RAPGEF2: variants seen among roughly 807,000 people sequenced by gnomAD.
The protein encoded by RAPGEF2 is Rap guanine nucleotide exchange factor 2.
A neutral mutation model predicts 186.7 loss-of-function variants in RAPGEF2; 54 were observed. That is an observed-to-expected ratio of 0.29 (90% CI 0.23 to 0.36). The LOEUF (loss-of-function observed/expected upper bound fraction) is 0.36. Ranked by LOEUF, RAPGEF2 falls within the 10% of genes least tolerant of loss-of-function variation. The probability of loss-of-function intolerance (pLI) is 1.00; values close to 1 mark genes in which losing one functional copy is unlikely to be tolerated. For missense variants in RAPGEF2, 1,532 were observed against 2,045.0 expected (o/e 0.75, Z 4.84); for synonymous variants, 712 against 705.9 (o/e 1.01, Z -0.14).
chr4:159,343,960 CT>C (rs1729910880), intron 22 of RAPGEF2, 75 bp from the exon 23 acceptor site: 5 of 1,465,458 alleles, frequency 3.4e-6, no homozygotes, highest in Non-Finnish European at 4.8e-6. Context: ...AAGTCTAGTC[CT>C]TTCTTTCTGA....
chr4:159,262,022 G>C (rs1175634705), intron 7 of RAPGEF2, among the ~76,000 whole-genome samples: 1 of 152,020 alleles, frequency 6.6e-6, no homozygotes, highest in Non-Finnish European at 1.5e-5. Context: ...AAGAAATTAG[G>C]CATCTTTTAT....
At chr4:159,179,231 G>T (rs1746771357) in intron 1 of RAPGEF2, among the ~76,000 whole-genome samples, 1 of 152,074 alleles carries the variant, frequency 6.6e-6, no homozygotes, top group Non-Finnish European at 1.5e-5. Flanking sequence ...CTTTAAAATA[G>T]TAGTAGTCAT....
intron 8 of RAPGEF2, among the ~76,000 whole-genome samples, chr4:159,314,111 T>G (rs1764264263): frequency 6.6e-6 from 1 of 152,242 alleles, no homozygotes; most frequent in South Asian, 2.1e-4. Flanking sequence ...ATGTTTCGTT[T>G]GCATATTTAT....
At chr4:159,180,202 T>C (rs980051812) in intron 1 of RAPGEF2, among the ~76,000 whole-genome samples, 2 of 152,228 alleles carry the variant, frequency 1.3e-5, no homozygotes. Context: ...GCTGCTGACC[T>C]CCTGATTGAA....
At chr4:159,150,069 A>G (rs1262652038) in intron 1 of RAPGEF2, among the ~76,000 whole-genome samples, 2 of 152,092 alleles carry the variant, frequency 1.3e-5, no homozygotes, top group African/African-American at 4.8e-5. Context: ...AGTAGTAGTA[A>G]TTTATATTGT....
chr4:159,116,193 A>G (rs1228632178), intron 1 of RAPGEF2, among the ~76,000 whole-genome samples: 1 of 152,236 alleles, frequency 6.6e-6, no homozygotes, highest in Admixed American at 6.5e-5. Flanking sequence ...GCCATCTGAC[A>G]AAGGCCTAAT....
chr4:159,198,044 C>A (rs1561073833), intron 3 of RAPGEF2, among the ~76,000 whole-genome samples: 1 of 152,130 alleles, frequency 6.6e-6, no homozygotes, highest in Admixed American at 6.6e-5. Context: ...TCCTTTGCCT[C>A]TCTTACTCAT....
chr4:159,241,526 TAATA>T (rs1001518142), intron 6 of RAPGEF2, among the ~76,000 whole-genome samples, 158 bp downstream of exon 6: 5 of 148,448 alleles, frequency 3.4e-5, no homozygotes, highest in African/African-American at 7.3e-5. Flanking sequence ...TTTGTTATAT[TAATA>T]AATATAAAAA....
At chr4:159,239,889 AG>A (rs1753754107) in intron 5 of RAPGEF2, among the ~76,000 whole-genome samples, 1 of 152,242 alleles carries the variant, frequency 6.6e-6, no homozygotes, top group Non-Finnish European at 1.5e-5. Flanking sequence ...TTTTCAGAGA[AG>A]ATGTAGGGTT....
chr4:159,181,172 A>G (rs1343939026), intron 1 of RAPGEF2, among the ~76,000 whole-genome samples: 6 of 152,150 alleles, frequency 3.9e-5, no homozygotes, highest in Non-Finnish European at 8.8e-5. Context: ...CTAGCTTTTT[A>G]TCTTTGATTT....
chr4:159,278,745 G>T (rs1360180655), intron 7 of RAPGEF2, among the ~76,000 whole-genome samples: 2 of 152,190 alleles, frequency 1.3e-5, no homozygotes, highest in Non-Finnish European at 2.9e-5. Flanking sequence ...GACCCTGGCT[G>T]TGTGGTCTTT....
chr4:159,114,506 G>T (rs1017031302), intron 1 of RAPGEF2, among the ~76,000 whole-genome samples: 4 of 152,060 alleles, frequency 2.6e-5, no homozygotes, highest in Non-Finnish European at 5.9e-5. Context: ...CAAAGTGCTG[G>T]GATTATAGGT....
At chr4:159,171,902 T>C (rs1032889935) in intron 1 of RAPGEF2, among the ~76,000 whole-genome samples, 3 of 152,134 alleles carry the variant, frequency 2.0e-5, no homozygotes, top group Non-Finnish European at 2.9e-5. Context: ...TTGCCCTTCA[T>C]ACTACCGTTC....
At chr4:159,243,655 G>A in intron 6 of RAPGEF2, 119 bp from the exon 7 acceptor site, 2 of 636,870 alleles carry the variant, frequency 3.1e-6, no homozygotes, top group South Asian at 3.1e-5. Context: ...GATTCTATAT[G>A]ATCATTCTTA....
At position 159,193,151 on chromosome 4, in the gene RAPGEF2, CTGTT is replaced by C. The variant is rs1232380591; in HGVS notation, c.141-47_141-44del. On this transcript the variant is annotated intron_variant, in intron 2 of 29. Transcript: ENST00000691494. ...TCATTTAAGGGTTTAAAATACCAGT[CTGTT>C]TTTTAGTGACAGATGTTGAACTCAT... 5.5e-5 allele frequency: 64 copies of C among 1,163,520 alleles called. 1 individual carries two copies. In the African/African-American group the frequency reaches 9.8e-4, roughly 18 times the overall value. The allele number at this position is 1,163,520 out of a possible 1,614,324, so 72.1% of individuals were successfully genotyped here.
intron 3 of RAPGEF2, among the ~76,000 whole-genome samples, chr4:159,208,430 T>C (rs1433996089): frequency 6.6e-6 from 1 of 152,214 alleles, no homozygotes; most frequent in Non-Finnish European, 1.5e-5. Context: ...GGGTGTGCTC[T>C]GTGCTTCCTT....
chr4:159,152,642 G>T (rs1327928173), intron 1 of RAPGEF2, among the ~76,000 whole-genome samples: 1 of 151,942 alleles, frequency 6.6e-6, no homozygotes, highest in Non-Finnish European at 1.5e-5. Context: ...TTTTTAGATG[G>T]AATCTCGCTC....
chr4:159,251,255 G>A lies in RAPGEF2; in HGVS notation c.543+7464G>A, dbSNP rs113782902. 3.3e-3 allele frequency among the ~76,000 whole-genome samples: 501 copies of A among 152,360 alleles called. 2 individuals carry two copies. Among genetic ancestry groups the A allele is most frequent in the African/African-American group, 0.011 (451 of 41,596 alleles). On this transcript the variant is annotated intron_variant, in intron 7 of 29. Transcript: ENST00000691494. The stretch of plus-strand genomic sequence containing the variant: ...CCCGTGCTGCCTGAGCCTTCCCGAC[G>A]GGCGCCGTCCCTTGCTCTGCAGCGC...
chr4:159,161,620 A>G (rs1744716127), intron 1 of RAPGEF2, among the ~76,000 whole-genome samples: 1 of 152,092 alleles, frequency 6.6e-6, no homozygotes, highest in Admixed American at 6.5e-5. Flanking sequence ...AGGAGGATCG[A>G]TTGAGCCTGT....
Sources: gnomAD v4.1 joint callset for allele counts (sites outside exome capture counted in the v4.1 genomes callset) on GRCh38, gnomAD v4.1.1 for gene constraint, MANE v1.5 for transcripts, NCBI Gene and HGNC (gene_info 2026-07-23, HGNC 2026-07-21) for gene names.